DDX39A: variants seen among roughly 807,000 people sequenced by gnomAD.
DDX39A encodes the protein DExD-box helicase 39A.
A neutral mutation model predicts 46.3 loss-of-function variants in DDX39A; 13 were observed. That is an observed-to-expected ratio of 0.28 (90% CI 0.18 to 0.45). DDX39A has a LOEUF of 0.45. Among genes scored for constraint, DDX39A ranks in the 20% least tolerant of loss-of-function variants. DDX39A has a pLI of 1.00. For synonymous variants in DDX39A, 234 were observed against 224.6 expected (o/e 1.04, Z -0.38); for missense variants, 352 against 581.8 (o/e 0.61, Z 4.06).
In DDX39A at chr19:14,412,697, G is replaced by A. The variant is rs372504921; in HGVS notation, c.209-19C>T. On this transcript the variant is annotated intron_variant, in intron 2 of 10. Coordinates refer to ENST00000242776, the MANE Select transcript of DDX39A (RefSeq NM_005804.4). The surrounding 1 kb of genome is among the most constrained non-coding windows in gnomAD (Gnocchi z 4.4). ...TGCTGGACTGCAGGAGAAGCAGAGC[G>A]TGAGGGACGAGAACCTGGATGCACC... 52 of 1,591,574 alleles carry A rather than the reference G, an allele frequency of 3.3e-5. No individual in the cohort carries two copies. The highest frequency in any genetic ancestry group is 2.5e-4 in the East Asian group (11 of 44,732).
chr19:14,417,453 T>A (rs1976853942), intron 1 of DDX39A, among the ~76,000 whole-genome samples: 1 of 121,464 alleles, frequency 8.2e-6, no homozygotes. Context: ...AGACCGCGTC[T>A]ATACAAAAAC....
In DDX39A at chr19:14,412,945, CT is replaced by C. The variant is rs1391707829; in HGVS notation, c.208+67del. The C allele has an allele frequency of 4.5e-6, 7 of 1,540,606 alleles. No individual in the cohort carries two copies. Among genetic ancestry groups the C allele is most frequent in the Non-Finnish European group, 6.2e-6 (7 of 1,133,552 alleles). The stretch of plus-strand genomic sequence containing the variant: ...ACGGCAAACTGGAGGCGGCACCGCT[CT>C]GGGCGGGCAGGGCTGGTCTTGTCTT... On this transcript the variant is annotated intron_variant, in intron 2 of 10. Transcript: ENST00000242776. The surrounding 1 kb of genome is among the most constrained non-coding windows in gnomAD (Gnocchi z 4.4).
chr19:14,411,177 G>T lies in DDX39A; in HGVS notation c.430-5C>A. 2 of 1,569,980 alleles carry T rather than the reference G, an allele frequency of 1.3e-6. No homozygotes were observed. Among genetic ancestry groups the T allele is most frequent in the South Asian group, 1.2e-5 (1 of 85,954 alleles). ...ACCACCGAAGAACACAGACACCTAT[G>T]GGGATGAGGAGGAAACCGCTCCATG... On this transcript the variant is annotated splice_polypyrimidine_tract_variant and splice_region_variant and intron_variant, in intron 4 of 10. Transcript: ENST00000242776. The surrounding 1 kb of genome is among the most constrained non-coding windows in gnomAD (Gnocchi z 4.1).
rs900335815 is a variant in DDX39A at position 14,411,679 on chromosome 19, C to T, written c.337-81G>A. The T allele has an allele frequency of 2.2e-5, 27 of 1,231,172 alleles. No individual in the cohort carries two copies. Among genetic ancestry groups the T allele is most frequent in the Non-Finnish European group, 2.8e-5 (24 of 850,054 alleles). The allele number at this position is 1,231,172 out of a possible 1,614,324, so 76.3% of individuals were successfully genotyped here. A position where few individuals can be genotyped will look rare whatever the true frequency, so the allele number is the denominator to read the frequency against. On this transcript the variant is annotated intron_variant, in intron 3 of 10. Transcript: ENST00000242776. This position sits in a 1 kb window ranked among gnomAD's most constrained non-coding sequence, Gnocchi z 4.1. ...CCCACCAGAGTCCACCCAACCCAGT[C>T]CCCCTGACACTGCACCCAACATCAC... is the stretch of plus-strand genomic sequence containing the variant.
At position 14,412,892 on chromosome 19, in the gene DDX39A, G is replaced by A. The variant is rs1419896642; in HGVS notation, c.208+121C>T. 7.6e-6 allele frequency: 10 copies of A among 1,315,206 alleles called. 1 individual carries two copies. The highest frequency in any genetic ancestry group is 4.4e-5 in the African/African-American group (3 of 67,776). The allele number at this position is 1,315,206 out of a possible 1,614,324, so 81.5% of individuals were successfully genotyped here. ...AGGCCCCGCTGGGCACAACTGATCCGCGGGACAGACGGGCCCCTCCCTCAC... is the reference window on the plus strand; with the variant it reads ...AGGCCCCGCTGGGCACAACTGATCCACGGGACAGACGGGCCCCTCCCTCAC... On this transcript the variant is annotated intron_variant, in intron 2 of 10. Coordinates refer to ENST00000242776, the MANE Select transcript of DDX39A (RefSeq NM_005804.4). This position sits in a 1 kb window ranked among gnomAD's most constrained non-coding sequence, Gnocchi z 4.4.
In DDX39A at chr19:14,410,600, G is replaced by C; in HGVS notation, c.614-266C>G. ...GCGCCTCGAGCCACGCTTCAGGGAG[G>C]GGAGCCTGAGGCAGAGACAGCCGCT... On this transcript the variant is annotated intron_variant, in intron 5 of 10. Coordinates refer to ENST00000242776, the MANE Select transcript of DDX39A (RefSeq NM_005804.4). The surrounding 1 kb of genome is among the most constrained non-coding windows in gnomAD (Gnocchi z 4.3). 1 of 531,686 alleles carries C rather than the reference G, an allele frequency of 1.9e-6. No individual in the cohort carries two copies. Among genetic ancestry groups the C allele is most frequent in the Middle Eastern group, 5.2e-4 (1 of 1,914 alleles). The allele number at this position is 531,686 out of a possible 1,614,324, so 32.9% of individuals were successfully genotyped here.
At chr19:14,414,880 G>T (rs1040518947) in intron 1 of DDX39A, among the ~76,000 whole-genome samples, 2 of 147,424 alleles carry the variant, frequency 1.4e-5, no homozygotes, top group Non-Finnish European at 3.0e-5. Flanking sequence ...CAGAAAAATT[G>T]CTTAAACCTG....
At position 14,410,145 on chromosome 19, in the gene DDX39A, T is replaced by G. The variant is rs966179108; in HGVS notation, c.732+71A>C. 33 of 1,352,658 alleles carry G rather than the reference T, an allele frequency of 2.4e-5. No individual in the cohort carries two copies. The highest frequency in any genetic ancestry group is 3.3e-5 in the Non-Finnish European group (31 of 946,554). 83.8% of individuals were successfully genotyped at this position (1,352,658 alleles called of 1,614,324 possible). ...AGCATCCTCCGTGCCATGTGGGCCG[T>G]GCGGGTGTCCTGGGGCCCCAGGCTC... On this transcript the variant is annotated intron_variant, in intron 6 of 10. Coordinates refer to ENST00000242776, the MANE Select transcript of DDX39A (RefSeq NM_005804.4). This position sits in a 1 kb window ranked among gnomAD's most constrained non-coding sequence, Gnocchi z 4.3.
At chr19:14,415,102 C>T (rs1213419700) in intron 1 of DDX39A, among the ~76,000 whole-genome samples, 1 of 152,122 alleles carries the variant, frequency 6.6e-6, no homozygotes, top group Non-Finnish European at 1.5e-5. Context: ...AATAAAAGCT[C>T]CTGTACCCTT....
Position 14,411,135 on chromosome 19 carries a change from T to C in DDX39A, c.467A>G (p.Asp156Gly). The change falls in exon 5 of 11, where the codon GAT becomes GGT. Residue 156 changes from aspartate to glycine, a missense_variant. Coordinates refer to ENST00000242776, the MANE Select transcript of DDX39A (RefSeq NM_005804.4). This position sits in a 1 kb window ranked among gnomAD's most constrained non-coding sequence, Gnocchi z 4.1. ...ACAGTTCTTCTTCAACACTTCTTCA[T>C]CCTTCTTGATGGAGAGACCACCGAA... ...VFFGGLSIKK[D>G]EEVLKKNCPH... 1.2e-6 allele frequency: 2 copies of C among 1,602,348 alleles called. No homozygotes were observed. Among genetic ancestry groups the C allele is most frequent in the Non-Finnish European group, 8.5e-7 (1 of 1,175,426 alleles).
intron 1 of DDX39A, among the ~76,000 whole-genome samples, chr19:14,417,578 T>C (rs1349917184): frequency 6.6e-6 from 1 of 152,084 alleles, no homozygotes; most frequent in Non-Finnish European, 1.5e-5. Flanking sequence ...GGCACATGTA[T>C]ACATATGTAA....
chr19:14,409,489 G>A lies in DDX39A; in HGVS notation c.975-42C>T. On this transcript the variant is annotated intron_variant, in intron 8 of 10. Coordinates refer to ENST00000242776, the MANE Select transcript of DDX39A (RefSeq NM_005804.4). The surrounding 1 kb of genome is among the most constrained non-coding windows in gnomAD (Gnocchi z 8.3). ...ACAAGTGGAGGCCGTCAGACACTGG[G>A]CTCCTGGTGGTGCTCCCTGCAGCCT... is the stretch of plus-strand genomic sequence containing the variant. The A allele has an allele frequency of 6.2e-7, 1 of 1,611,774 alleles. No homozygotes were observed. The highest frequency in any genetic ancestry group is 8.5e-7 in the Non-Finnish European group (1 of 1,179,406).
rs1022201091 is a variant in DDX39A, at chr19:14,411,683, C to G, written c.337-85G>C. The stretch of plus-strand genomic sequence containing the variant: ...CCAGAGTCCACCCAACCCAGTCCCC[C>G]TGACACTGCACCCAACATCACAGGC... On this transcript the variant is annotated intron_variant, in intron 3 of 10. Coordinates refer to ENST00000242776, the MANE Select transcript of DDX39A (RefSeq NM_005804.4). This position sits in a 1 kb window ranked among gnomAD's most constrained non-coding sequence, Gnocchi z 4.1. The G allele has an allele frequency of 1.7e-6, 2 of 1,198,920 alleles. No individual in the cohort carries two copies. The highest frequency in any genetic ancestry group is 3.0e-5 in the African/African-American group (2 of 66,330). 74.3% of individuals were successfully genotyped at this position (1,198,920 alleles called of 1,614,324 possible). A position where few individuals can be genotyped will look rare whatever the true frequency, so the allele number is the denominator to read the frequency against.
chr19:14,409,539 T>C lies in DDX39A; in HGVS notation c.971A>G (p.Glu324Gly). Reference protein sequence around the residue: ...IAIHRGMAQEERLSRYQQFKD... With the variant: ...IAIHRGMAQEGRLSRYQQFKD... ...TTGGCGGGCGGCTCGCACTCACCGC[T>C]CCTCCTGGGCCATGCCCCGGTGGAT... The change falls in exon 8 of 11, where the codon GAG becomes GGG. Residue 324 changes from glutamate to glycine, a missense_variant. By Grantham distance (98) the Glu-to-Gly change is moderately conservative. Around this residue, in one of 3 missense-constraint regions of DDX39A, gnomAD observed 301 missense variants for 469.9 expected, o/e 0.64. Transcript: ENST00000242776. This position sits in a 1 kb window ranked among gnomAD's most constrained non-coding sequence, Gnocchi z 8.3. 6.2e-7 allele frequency: 1 copy of C among 1,609,068 alleles called. No homozygotes were observed. Among genetic ancestry groups the C allele is most frequent in the Non-Finnish European group, 8.5e-7 (1 of 1,178,422 alleles).
intron 1 of DDX39A, chr19:14,418,907 A>C (rs1976930078): frequency 2.2e-6 from 1 of 456,100 alleles, no homozygotes; most frequent in Non-Finnish European, 4.4e-6. Flanking sequence ...TCTCCCACCC[A>C]GGCCCCAGAC....
chr19:14,417,384 G>A (rs967745560), intron 1 of DDX39A, among the ~76,000 whole-genome samples: 1 of 151,764 alleles, frequency 6.6e-6, no homozygotes, highest in African/African-American at 2.4e-5. Context: ...ACTTTGAGAA[G>A]CCAGCGTGGG....
intron 1 of DDX39A, among the ~76,000 whole-genome samples, chr19:14,417,488 G>A (rs900387618): frequency 8.5e-6 from 1 of 117,966 alleles, no homozygotes; most frequent in Non-Finnish European, 1.7e-5. Context: ...TAGCCGGGTG[G>A]GTGGGGGGAG....
intron 1 of DDX39A, among the ~76,000 whole-genome samples, chr19:14,417,825 T>C (rs1398215279): frequency 6.6e-6 from 1 of 152,026 alleles, no homozygotes; most frequent in Non-Finnish European, 1.5e-5. Context: ...GCCATGGCAT[T>C]CCAGCCTGGG....
At chr19:14,418,899 T>G in intron 1 of DDX39A, 1 of 456,062 alleles carries the variant, frequency 2.2e-6, no homozygotes, top group Non-Finnish European at 4.4e-6. Context: ...CTCCAACTTC[T>G]CCCACCCAGG....
Sources: gnomAD v4.1 joint callset for allele counts (sites outside exome capture counted in the v4.1 genomes callset) on GRCh38, gnomAD v4.1.1 for gene constraint, gnomAD v4.1.1 regional missense constraint, Gnocchi (gnomAD v3.1) non-coding constraint, MANE v1.5 for transcripts, NCBI Gene and HGNC (gene_info 2026-07-23, HGNC 2026-07-21) for gene names.